PRLR: variants seen among roughly 807,000 people sequenced by gnomAD.
The protein encoded by PRLR is prolactin receptor.
PRLR carries 13 observed loss-of-function variants against 40.2 expected under a neutral mutation model. That is an observed-to-expected ratio of 0.32 (90% CI 0.21 to 0.51). PRLR has a LOEUF of 0.51. Ranked by LOEUF, PRLR falls within the 20% of genes least tolerant of loss-of-function variation. The pLI, the probability that PRLR is intolerant of heterozygous loss-of-function variation, is 0.97. For missense variants in PRLR, 656 were observed against 747.3 expected (o/e 0.88, Z 1.42); for synonymous variants, 269 against 278.7 (o/e 0.97, Z 0.35).
At chr5:35,140,659 G>C (rs892639025) in intron 1 of PRLR, among the ~76,000 whole-genome samples, 2 of 152,184 alleles carry the variant, frequency 1.3e-5, no homozygotes, top group African/African-American at 4.8e-5. Flanking sequence ...GGGGGGAGGA[G>C]AGATGACAAC....
intron 1 of PRLR, among the ~76,000 whole-genome samples, chr5:35,140,626 G>T (rs906811140): frequency 6.6e-6 from 1 of 152,186 alleles, no homozygotes; most frequent in African/African-American, 2.4e-5. Context: ...TCCTGTCCTT[G>T]ATGGACTTAG....
chr5:35,077,780 C>T (rs1009009414), intron 5 of PRLR, among the ~76,000 whole-genome samples: 1 of 152,174 alleles, frequency 6.6e-6, no homozygotes, highest in African/African-American at 2.4e-5. Flanking sequence ...CACATGTATT[C>T]CAAAGCAGAC....
At chr5:35,222,592 C>A (rs1776452569) in intron 1 of PRLR, among the ~76,000 whole-genome samples, 1 of 152,204 alleles carries the variant, frequency 6.6e-6, no homozygotes, top group African/African-American at 2.4e-5. Context: ...GGGTCATTGA[C>A]ACTCAGATAA....
At chr5:35,198,757 C>T (rs535660052) in intron 1 of PRLR, among the ~76,000 whole-genome samples, 2 of 152,276 alleles carry the variant, frequency 1.3e-5, no homozygotes, top group East Asian at 3.9e-4. Flanking sequence ...CACTAGAAAG[C>T]ACTTAGTGTC....
At chr5:35,096,570 T>C (rs567319470) in intron 2 of PRLR, among the ~76,000 whole-genome samples, 1 of 152,198 alleles carries the variant, frequency 6.6e-6, no homozygotes, top group African/African-American at 2.4e-5. Flanking sequence ...TGGTTTCTAA[T>C]CCAGGATTCC....
chr5:35,224,194 G>C (rs1194618028), intron 1 of PRLR, among the ~76,000 whole-genome samples: 1 of 152,180 alleles, frequency 6.6e-6, no homozygotes, highest in Non-Finnish European at 1.5e-5. Context: ...GGAGAAACAT[G>C]TTTATCTGTG....
chr5:35,144,663 C>CA (rs35096379), intron 1 of PRLR, among the ~76,000 whole-genome samples: 128,734 of 151,290 alleles, frequency 0.85, 56,404 homozygotes, highest in South Asian at 0.96. Context: ...AGGGTTTAGC[C>CA]TGTTGGCCAG....
chr5:35,077,917 A>T (rs1770226735), intron 5 of PRLR, among the ~76,000 whole-genome samples: 1 of 152,222 alleles, frequency 6.6e-6, no homozygotes, highest in Non-Finnish European at 1.5e-5. Flanking sequence ...AAACTGCTCA[A>T]CTACATGGAA....
intron 8 of PRLR, 81 bp downstream of exon 8, chr5:35,068,698 T>C (rs1344307683): frequency 9.1e-7 from 1 of 1,094,336 alleles, no homozygotes; most frequent in Non-Finnish European, 1.4e-6. Flanking sequence ...TCTACAGGTT[T>C]CCATCATCTT....
intron 5 of PRLR, among the ~76,000 whole-genome samples, chr5:35,076,252 TA>T (rs1452454447): frequency 1.2e-4 from 19 of 152,140 alleles, no homozygotes; most frequent in Admixed American, 1.2e-3. Context: ...TTCTCTGAGC[TA>T]AAGGAGGATG....
rs752077912 is a variant in PRLR at position 35,065,593 on chromosome 5, A to G, written c.1365T>C (p.Gly455=). Residue 455 remains glycine, a synonymous_variant, in exon 10 of 10, where the codon GGT becomes GGC. Coordinates refer to ENST00000618457, the MANE Select transcript of PRLR (RefSeq NM_000949.7). ...TTTGAGAGGATTTTAAAGCATCTTT[A>G]CCTGCTTCATTCAACAGAGTGGCCG... ...GAPATLLNEA[G]KDALKSSQTI... 1 of 1,614,030 alleles carries G rather than the reference A, an allele frequency of 6.2e-7. No homozygotes were observed. The highest frequency in any genetic ancestry group is 8.5e-7 in the Non-Finnish European group (1 of 1,180,026).
intron 3 of PRLR, among the ~76,000 whole-genome samples, chr5:35,087,825 T>C (rs1770953216): frequency 6.6e-6 from 1 of 152,194 alleles, no homozygotes; most frequent in Non-Finnish European, 1.5e-5. Context: ...GCCCTGATAC[T>C]GTGGGGCTGG....
At chr5:35,143,321 T>A (rs1220396737) in intron 1 of PRLR, among the ~76,000 whole-genome samples, 2 of 152,216 alleles carry the variant, frequency 1.3e-5, no homozygotes, top group African/African-American at 4.8e-5. Flanking sequence ...TTCTAAAACT[T>A]TATGAAAATA....
chr5:35,170,441 G>A (rs1046643335), intron 1 of PRLR, among the ~76,000 whole-genome samples: 7 of 152,182 alleles, frequency 4.6e-5, no homozygotes, highest in African/African-American at 1.7e-4. Flanking sequence ...GATAGCTTGA[G>A]CCCAGGAGTT....
At chr5:35,144,477 G>A (rs1774119371) in intron 1 of PRLR, among the ~76,000 whole-genome samples, 1 of 152,098 alleles carries the variant, frequency 6.6e-6, no homozygotes, top group South Asian at 2.1e-4. Flanking sequence ...TTGAGGCAGA[G>A]TCTCGCTCTA....
chr5:35,198,707 C>T (rs2111598445), intron 1 of PRLR, among the ~76,000 whole-genome samples: 1 of 152,034 alleles, frequency 6.6e-6, no homozygotes. Flanking sequence ...TTGTTTCCAC[C>T]ACTTGGTCTT....
intron 2 of PRLR, among the ~76,000 whole-genome samples, chr5:35,104,029 A>AGCAGT (rs1222602716): frequency 6.6e-6 from 1 of 152,016 alleles, no homozygotes; most frequent in East Asian, 1.9e-4. Flanking sequence ...GTATGGGGAG[A>AGCAGT]GCAGTAGATT....
intron 1 of PRLR, among the ~76,000 whole-genome samples, chr5:35,200,392 A>T (rs1006102537): frequency 2.0e-5 from 3 of 152,232 alleles, no homozygotes; most frequent in Non-Finnish European, 2.9e-5. Context: ...CTCTCAGAAT[A>T]CAAAAACTCT....
chr5:35,054,855 C>T (rs1768640249), downstream of PRLR, among the ~76,000 whole-genome samples: 1 of 152,068 alleles, frequency 6.6e-6, no homozygotes, highest in Non-Finnish European at 1.5e-5. Flanking sequence ...GAGGTGAATG[C>T]ATTTTAAAAA....
Sources: allele counts gnomAD v4.1 joint callset (sites outside exome capture counted in the v4.1 genomes callset), GRCh38; gene constraint gnomAD v4.1.1; transcripts MANE v1.5; gene names NCBI Gene and HGNC (gene_info 2026-07-23, HGNC 2026-07-21).